Variants in SLC6A4 observed in about 807,000 individuals in gnomAD.
SLC6A4 encodes the protein sodium-dependent serotonin transporter.
Under a neutral mutation model 73.4 loss-of-function variants are expected in SLC6A4, and 22 were observed. The ratio of observed to expected loss-of-function variants is 0.30; its 90% CI spans 0.21 to 0.43. SLC6A4 has a LOEUF of 0.43. Among genes scored for constraint, SLC6A4 ranks in the 20% least tolerant of loss-of-function variants. SLC6A4 has a pLI of 1.00. For missense variants in SLC6A4, 593 were observed against 808.5 expected, an observed-to-expected ratio of 0.73 and a Z score of 3.23; for synonymous variants, 270 against 315.5, an observed-to-expected ratio of 0.86 and a Z score of 1.53.
At chr17:30,214,583 G>A (rs961991279) in intron 8 of SLC6A4, among the ~76,000 whole-genome samples, 1 of 149,864 alleles carries the variant, frequency 6.7e-6, no homozygotes, top group Non-Finnish European at 1.5e-5. Flanking sequence ...CTACTTAATT[G>A]TATGTTGCAG....
At chr17:30,226,432 G>T (rs566602815) in intron 1 of SLC6A4, among the ~76,000 whole-genome samples, 2 of 152,264 alleles carry the variant, frequency 1.3e-5, no homozygotes, top group African/African-American at 4.8e-5. Flanking sequence ...GGGCCAGCTG[G>T]CTCACGCCTG....
At position 30,221,692 on chromosome 17, in the gene SLC6A4, A is replaced by G. The variant is rs370930261; in HGVS notation, c.267T>C (p.Leu89=). 2.5e-6 allele frequency: 4 copies of G among 1,614,104 alleles called. No homozygotes were observed. Among genetic ancestry groups the G allele is most frequent in the Non-Finnish European group, 3.4e-6 (4 of 1,180,004 alleles). ...RETWGKKVDF[L]LSVIGYAVDL... ...CCACAGCATAGCCAATCACTGAGAG[A>G]AGGAAATCCACCTTCTTGCCCCAGG... Residue 89 remains leucine (L), a synonymous_variant, in exon 3 of 15, where the codon CTT becomes CTC. Transcript: ENST00000650711.
Position 30,211,730 on chromosome 17 carries a change from T to G in SLC6A4, c.1205-306A>C, listed in dbSNP as rs1022007008. On this transcript the variant is annotated intron_variant, in intron 9 of 14. Transcript: ENST00000650711. The surrounding 1 kb of genome is among the most constrained non-coding windows in gnomAD (Gnocchi z 4.0). ...AAAGCTGCACATGAGAATAAGAGTT[T>G]CCACCATATAACAATTCCATGGGAT... is the stretch of plus-strand genomic sequence containing the variant. Among the ~76,000 whole-genome samples the G allele has an allele frequency of 1.3e-5, 2 of 152,172 alleles. No individual in the cohort carries two copies. Among genetic ancestry groups the G allele is most frequent in the African/African-American group, 4.8e-5 (2 of 41,444 alleles).
rs1906778176 is a variant in SLC6A4 at position 30,222,005 on chromosome 17, A to G, written c.-47T>C. On this transcript the variant is annotated 5_prime_UTR_variant, in exon 3 of 15. Transcript: ENST00000650711. ...CTGATGTCCATCTGCCAAGGATCCCAATTGATCTCTGGGTGCTTGGATTTG... is the reference window on the plus strand; with the variant it reads ...CTGATGTCCATCTGCCAAGGATCCCGATTGATCTCTGGGTGCTTGGATTTG... 1 of 1,612,938 alleles carries G rather than the reference A, an allele frequency of 6.2e-7. No homozygotes were observed. The highest frequency in any genetic ancestry group is 1.3e-5 in the African/African-American group (1 of 74,888).
At position 30,209,199 on chromosome 17, in the gene SLC6A4, C is replaced by G. The variant is rs1360012953; in HGVS notation, c.1493G>C (p.Gly498Ala). Residue 498 changes from glycine to alanine, a missense_variant, in exon 12 of 15, where the codon GGG (glycine) becomes GCG (alanine). By Grantham distance (60) the Gly-to-Ala change is moderately conservative. Coordinates refer to ENST00000650711, the MANE Select transcript of SLC6A4 (RefSeq NM_001045.6). The stretch of plus-strand genomic sequence containing the variant: ...CAGCGCGACAGTGAGCACTGCGGGC[C>G]CCGTGGCATACTCCTCCAGCAGCTT... Reference protein sequence around the residue: ...VVKLLEEYATGPAVLTVALIE... With the variant: ...VVKLLEEYATAPAVLTVALIE... The G allele has an allele frequency of 6.2e-7, 1 of 1,613,724 alleles. No homozygotes were observed. The highest frequency in any genetic ancestry group is 1.3e-5 in the African/African-American group (1 of 74,918).
chr17:30,207,777 C>T lies in SLC6A4; in HGVS notation c.1605G>A (p.Trp535Ter). The T allele has an allele frequency of 6.2e-7, 1 of 1,614,060 alleles. No homozygotes were observed. Among genetic ancestry groups the T allele is most frequent in the African/African-American group, 1.3e-5 (1 of 75,026 alleles). The change falls in exon 13 of 15, where the codon TGG becomes TGA. Residue 535 changes from tryptophan to a stop codon, truncating the protein, a stop_gained. Transcript: ENST00000650711. LOFTEE classifies it high-confidence loss of function. ...TGGCCACCCAGCAGATCCTCCAGAA[C>T]CACCCCGGGCTGAAGCCGAGCATTT... ...VKEMLGFSPG[W>*]FWRICWVAIS...
intron 1 of SLC6A4, among the ~76,000 whole-genome samples, chr17:30,230,078 GAAGAA>G (rs1907046469): frequency 5.8e-5 from 7 of 121,510 alleles, no homozygotes; most frequent in African/African-American, 3.0e-4. Flanking sequence ...AGAAGAAGAA[GAAGAA>G]GAAGAAGAAG....
At chr17:30,214,778 G>A (rs1287482578) in intron 8 of SLC6A4, among the ~76,000 whole-genome samples, 10 of 151,240 alleles carry the variant, frequency 6.6e-5, no homozygotes, top group African/African-American at 1.5e-4. Context: ...GACTACAGGC[G>A]CCCGCCACCA....
intron 1 of SLC6A4, among the ~76,000 whole-genome samples, chr17:30,225,157 C>T (rs921902602): frequency 6.6e-6 from 1 of 152,144 alleles, no homozygotes; most frequent in Non-Finnish European, 1.5e-5. Context: ...TCCTACTGAA[C>T]CCCCACCCTC....
intron 1 of SLC6A4, among the ~76,000 whole-genome samples, chr17:30,234,441 T>C (rs1265853314): frequency 6.6e-6 from 1 of 152,190 alleles, no homozygotes; most frequent in Admixed American, 6.5e-5. Flanking sequence ...CACTCATCCA[T>C]ATTGGAACGG....
At chr17:30,212,713 G>T (rs200105413) in intron 9 of SLC6A4, 27 bp downstream of exon 9, 9 of 1,611,544 alleles carry the variant, frequency 5.6e-6, no homozygotes, top group Non-Finnish European at 6.8e-6. Flanking sequence ...TAGGAGCAAG[G>T]GACCTGCATA....
chr17:30,207,646 C>G (rs960182612), intron 13 of SLC6A4, 86 bp downstream of exon 13: 1 of 890,618 alleles, frequency 1.1e-6, no homozygotes, highest in South Asian at 1.5e-5. Context: ...GATGAGCCAC[C>G]GTGCCCAGCC....
chr17:30,229,075 C>T (rs1470724715), intron 1 of SLC6A4, among the ~76,000 whole-genome samples: 4 of 152,212 alleles, frequency 2.6e-5, no homozygotes, highest in Admixed American at 2.6e-4. Context: ...CCCTGTCCCT[C>T]CCTGCCTCAC....
chr17:30,223,908 A>G (rs1016410928), intron 1 of SLC6A4, among the ~76,000 whole-genome samples: 3 of 151,742 alleles, frequency 2.0e-5, no homozygotes, highest in African/African-American at 7.3e-5. Flanking sequence ...TAAAATAACC[A>G]CACATCCTCT....
At position 30,210,616 on chromosome 17, in the gene SLC6A4, C is replaced by T; in HGVS notation, c.1348G>A (p.Val450Met). The T allele has an allele frequency of 6.2e-7, 1 of 1,613,466 alleles. No homozygotes were observed. The highest frequency in any genetic ancestry group is 1.3e-5 in the African/African-American group (1 of 74,966). The change falls in exon 11 of 15, where the codon GTG becomes ATG. Residue 450 changes from valine to methionine, a missense_variant. By Grantham distance (21) the Val-to-Met change is conservative (BLOSUM62 1). Coordinates refer to ENST00000650711, the MANE Select transcript of SLC6A4 (RefSeq NM_001045.6). ...FAGLEGVITAVLDEFPHVWAK... is the reference protein window; with the variant it reads ...FAGLEGVITAMLDEFPHVWAK... Reference sequence around the variant, plus strand: ...CAGACGTGTGGGAACTCATCCAGCACAGCCGTGATCACCCCCTCCAAGCCT... The same window carrying T: ...CAGACGTGTGGGAACTCATCCAGCATAGCCGTGATCACCCCCTCCAAGCCT...
chr17:30,205,259 A>G (rs189866653), intron 13 of SLC6A4, among the ~76,000 whole-genome samples: 21 of 152,290 alleles, frequency 1.4e-4, no homozygotes, highest in Admixed American at 1.2e-3. Flanking sequence ...TTTTATACCC[A>G]CAGTGAATGT....
Position 30,235,053 on chromosome 17 carries a change from T to G in SLC6A4, c.-221+560A>C, listed in dbSNP as rs56379308. On this transcript the variant is annotated intron_variant, in intron 1 of 14. Transcript: ENST00000650711. This position sits in a 1 kb window ranked among gnomAD's most constrained non-coding sequence, Gnocchi z 4.5. ...TTTCACATACATTCTGAATGGCCTG[T>G]GAGGTGTCTGAGAGCGCCTCAGCTC... is the stretch of plus-strand genomic sequence containing the variant. Among the ~76,000 whole-genome samples the G allele has an allele frequency of 7.9e-5, 12 of 152,098 alleles. No individual in the cohort carries two copies. The highest frequency in any genetic ancestry group is 7.9e-4 in the Admixed American group (12 of 15,276).
intron 13 of SLC6A4, among the ~76,000 whole-genome samples, chr17:30,204,103 C>T (rs1230412660): frequency 6.6e-6 from 1 of 152,214 alleles, no homozygotes; most frequent in Non-Finnish European, 1.5e-5. Flanking sequence ...AGAATTTTGA[C>T]CAAGAAAAAT....
intron 14 of SLC6A4, among the ~76,000 whole-genome samples, chr17:30,201,663 C>T (rs1906039694): frequency 6.6e-6 from 1 of 152,194 alleles, no homozygotes; most frequent in Non-Finnish European, 1.5e-5. Context: ...CGGGAAGCAG[C>T]ACGGGACCCA....
Sources: allele counts gnomAD v4.1 joint callset (sites outside exome capture counted in the v4.1 genomes callset), GRCh38; gene constraint gnomAD v4.1.1; non-coding constraint Gnocchi (gnomAD v3.1); transcripts MANE v1.5; gene names NCBI Gene and HGNC (gene_info 2026-07-23, HGNC 2026-07-21).